The following PDGFRL variants were observed in gnomAD, a reference collection of about 807,000 sequenced individuals.
The protein encoded by PDGFRL is platelet-derived growth factor receptor-like protein.
PDGFRL carries 46 observed loss-of-function variants against 37.2 expected under a neutral mutation model. The ratio of observed to expected loss-of-function variants is 1.24; its 90% confidence interval spans 0.98 to 1.58. The LOEUF is 1.58. Among genes scored for constraint, PDGFRL ranks in the 40% most tolerant of loss-of-function variants. The pLI is 0.00. For missense variants in PDGFRL, 692 were observed against 467.6 expected (o/e 1.48, Z -4.43); for synonymous variants, 251 against 184.3 (o/e 1.36, Z -2.93).
chr8:17,602,302 C>G (rs766378204), intron 2 of PDGFRL, among the ~76,000 whole-genome samples: 2 of 152,124 alleles, frequency 1.3e-5, no homozygotes, highest in Non-Finnish European at 2.9e-5. Flanking sequence ...GGAGATGTGG[C>G]TGGTCAGAGG....
intron 1 of PDGFRL, among the ~76,000 whole-genome samples, chr8:17,584,883 A>C (rs1394966473): frequency 6.6e-6 from 1 of 152,154 alleles, no homozygotes; most frequent in Non-Finnish European, 1.5e-5. Context: ...AAGGAATAAA[A>C]GAATGGCTTC....
chr8:17,595,795 A>G (rs1313952075), intron 2 of PDGFRL, among the ~76,000 whole-genome samples: 2 of 152,180 alleles, frequency 1.3e-5, no homozygotes, highest in Admixed American at 1.3e-4. Context: ...GAGTCTGTCC[A>G]GTGAGTTTAG....
intron 1 of PDGFRL, among the ~76,000 whole-genome samples, chr8:17,589,120 G>A (rs1803877174): frequency 6.6e-6 from 1 of 152,276 alleles, no homozygotes; most frequent in African/African-American, 2.4e-5. Context: ...GCTCACTCCT[G>A]TAATCCCAGC....
intron 4 of PDGFRL, among the ~76,000 whole-genome samples, chr8:17,631,423 G>C (rs1287648702): frequency 6.6e-6 from 1 of 152,026 alleles, no homozygotes; most frequent in East Asian, 1.9e-4. Flanking sequence ...GTTAGAATTT[G>C]GGTTCTGTCA....
At chr8:17,586,542 T>C (rs913191932) in intron 1 of PDGFRL, among the ~76,000 whole-genome samples, 1 of 152,218 alleles carries the variant, frequency 6.6e-6, no homozygotes, top group Admixed American at 6.5e-5. Flanking sequence ...CACTACCTTC[T>C]TGATGACCTG....
intron 3 of PDGFRL, among the ~76,000 whole-genome samples, chr8:17,627,269 T>G (rs1804752486): frequency 6.6e-6 from 1 of 152,238 alleles, no homozygotes; most frequent in Non-Finnish European, 1.5e-5. Context: ...ATATTGAGTT[T>G]GCTGTAATTT....
chr8:17,596,123 C>T (rs1482334512), intron 2 of PDGFRL, among the ~76,000 whole-genome samples: 1 of 152,196 alleles, frequency 6.6e-6, no homozygotes, highest in Non-Finnish European at 1.5e-5. Context: ...TTGCTGGGTA[C>T]CCTTGCTGGG....
chr8:17,583,789 C>T (rs1456649925), intron 1 of PDGFRL, among the ~76,000 whole-genome samples: 1 of 151,652 alleles, frequency 6.6e-6, no homozygotes, highest in Non-Finnish European at 1.5e-5. Context: ...TGCACCTCCC[C>T]TCTCTCTCTC....
Position 17,619,602 on chromosome 8 carries a change from A to G in PDGFRL, c.354-1449A>G, listed in dbSNP as rs188995501. ...TATCAGCCAATGCGTTTTCTTCCTAAAAGAAAGTTTTTGGTTTTAACATGA... is the reference window on the plus strand; with the variant it reads ...TATCAGCCAATGCGTTTTCTTCCTAGAAGAAAGTTTTTGGTTTTAACATGA... On this transcript the variant is annotated intron_variant, in intron 2 of 5. Coordinates refer to ENST00000251630, the MANE Select transcript of PDGFRL (RefSeq NM_001372073.1). 6.1e-3 allele frequency among the ~76,000 whole-genome samples: 928 copies of G among 152,332 alleles called. 4 individuals carry two copies. Among genetic ancestry groups the G allele is most frequent in the Middle Eastern group, 0.01 (3 of 294 alleles).
intron 2 of PDGFRL, among the ~76,000 whole-genome samples, chr8:17,619,235 G>T (rs553843838): frequency 6.6e-6 from 1 of 152,198 alleles, no homozygotes; most frequent in African/African-American, 2.4e-5. Flanking sequence ...TTATTTTGGC[G>T]CCCCCATGTG....
chr8:17,587,912 G>A (rs1393410485), intron 1 of PDGFRL, among the ~76,000 whole-genome samples: 2 of 152,124 alleles, frequency 1.3e-5, no homozygotes, highest in African/African-American at 4.8e-5. Flanking sequence ...TTACAGGCAT[G>A]AGCCACCACA....
At chr8:17,618,054 C>A (rs1434034383) in intron 2 of PDGFRL, among the ~76,000 whole-genome samples, 1 of 151,598 alleles carries the variant, frequency 6.6e-6, no homozygotes, top group Non-Finnish European at 1.5e-5. Flanking sequence ...ATTGATCTTT[C>A]CATTTTTATT....
chr8:17,642,139 C>T (rs149887744), intron 5 of PDGFRL, among the ~76,000 whole-genome samples: 13 of 152,244 alleles, frequency 8.5e-5, no homozygotes, highest in Non-Finnish European at 7.3e-5. Context: ...TCATACTTCT[C>T]CCTCTCTCAA....
chr8:17,579,118 A>G (rs1235847374), intron 1 of PDGFRL, among the ~76,000 whole-genome samples: 1 of 151,914 alleles, frequency 6.6e-6, no homozygotes, highest in Non-Finnish European at 1.5e-5. Flanking sequence ...AACTGCTTGA[A>G]CCTGGGAGGC....
At chr8:17,581,384 G>C (rs2720569) in intron 1 of PDGFRL, among the ~76,000 whole-genome samples, 95,892 of 151,388 alleles carry the variant, frequency 0.63, 30,766 homozygotes, top group Middle Eastern at 0.77. Context: ...AAGATTTAGG[G>C]CTGGCTTCTA....
In PDGFRL at chr8:17,642,918, C is replaced by T; in HGVS notation, c.*117C>T. On this transcript the variant is annotated 3_prime_UTR_variant, in exon 6 of 6. Coordinates refer to ENST00000251630, the MANE Select transcript of PDGFRL (RefSeq NM_001372073.1). Reference sequence around the variant, plus strand: ...TGATGTCAAGCACCACACCCCAACCCCAGCGTCTCGTGAGTCCGACCCAGA... The same window carrying T: ...TGATGTCAAGCACCACACCCCAACCTCAGCGTCTCGTGAGTCCGACCCAGA... 1 of 657,222 alleles carries T rather than the reference C, an allele frequency of 1.5e-6. No individual in the cohort carries two copies. The highest frequency in any genetic ancestry group is 1.9e-5 in the South Asian group (1 of 52,760). The allele number at this position is 657,222 out of a possible 1,614,324, so 40.7% of individuals were successfully genotyped here.
intron 5 of PDGFRL, among the ~76,000 whole-genome samples, chr8:17,641,391 C>T (rs1805089612): frequency 6.6e-6 from 1 of 152,134 alleles, no homozygotes; most frequent in South Asian, 2.1e-4. Flanking sequence ...CTCTGGTAGC[C>T]CTCTCCAGGG....
At position 17,642,644 on chromosome 8, in the gene PDGFRL, G is replaced by A; in HGVS notation, c.971G>A (p.Trp324Ter). Reference sequence around the variant, plus strand: ...AGGCCTGTGACGATCCAAGACACTTGGAGGTTGATCCACAGAGGACTGGGA... The same window carrying A: ...AGGCCTGTGACGATCCAAGACACTTAGAGGTTGATCCACAGAGGACTGGGA... ...DERPVTIQDT[W>*]RLIHRGLGHT... Residue 324 changes from tryptophan (W) to a stop codon, truncating the protein, a stop_gained, in exon 6 of 6, where the codon TGG (tryptophan) becomes TAG (stop). Transcript: ENST00000251630. LOFTEE classifies it high-confidence loss of function. 3 of 1,610,966 alleles carry A rather than the reference G, an allele frequency of 1.9e-6. No individual in the cohort carries two copies. The highest frequency in any genetic ancestry group is 2.5e-6 in the Non-Finnish European group (3 of 1,177,070).
intron 5 of PDGFRL, 144 bp downstream of exon 5, chr8:17,634,357 C>G: frequency 1.6e-6 from 1 of 611,862 alleles, no homozygotes; most frequent in Non-Finnish European, 2.8e-6. Flanking sequence ...TGTTGGGGGC[C>G]AGGTATTGTT....
Sources: allele counts gnomAD v4.1 joint callset (sites outside exome capture counted in the v4.1 genomes callset), GRCh38; gene constraint gnomAD v4.1.1; transcripts MANE v1.5; gene names NCBI Gene and HGNC (gene_info 2026-07-23, HGNC 2026-07-21).